EEF2: variants seen among roughly 807,000 people sequenced by gnomAD.
The protein encoded by EEF2 is eukaryotic translation elongation factor 2.
EEF2 carries 21 observed loss-of-function variants against 85.3 expected under a neutral mutation model. That is an observed-to-expected ratio of 0.25 (90% CI 0.17 to 0.35). The LOEUF is 0.35. Among genes scored for constraint, EEF2 ranks in the 10% least tolerant of loss-of-function variants. The probability of loss-of-function intolerance (pLI) is 1.00; values close to 1 mark genes in which losing one functional copy is unlikely to be tolerated. For synonymous variants in EEF2, 723 were observed against 508.8 expected, an observed-to-expected ratio of 1.42 and a Z score of -5.67; for missense variants, 825 against 1,225.3, an observed-to-expected ratio of 0.67 and a Z score of 4.88.
At position 3,977,622 on chromosome 19, in the gene EEF2, G is replaced by C; in HGVS notation, c.2068-12C>G. The C allele has an allele frequency of 6.6e-7, 1 of 1,504,510 alleles. No individual in the cohort carries two copies. The highest frequency in any genetic ancestry group is 8.8e-7 in the Non-Finnish European group (1 of 1,130,934). The allele number at this position is 1,504,510 out of a possible 1,614,324, so 93.2% of individuals were successfully genotyped here. A position where few individuals can be genotyped will look rare whatever the true frequency, so the allele number is the denominator to read the frequency against. On this transcript the variant is annotated splice_polypyrimidine_tract_variant and intron_variant, in intron 12 of 14. Transcript: ENST00000309311. This position sits in a 1 kb window ranked among gnomAD's most constrained non-coding sequence, Gnocchi z 5.4. ...TCACACAGTGCGCCCTGGGGGAGGGGGAGAGCCACCGTCAAGGGCCGGACA... is the reference window on the plus strand; with the variant it reads ...TCACACAGTGCGCCCTGGGGGAGGGCGAGAGCCACCGTCAAGGGCCGGACA...
chr19:3,982,712 C>T, intron 4 of EEF2, 95 bp downstream of exon 4: 1 of 1,391,514 alleles, frequency 7.2e-7, no homozygotes, highest in Non-Finnish European at 9.8e-7. Context: ...CTGGCAAAAA[C>T]ACACTTCCAG....
At position 3,976,525 on chromosome 19, in the gene EEF2, G is replaced by A. The variant is rs570475244; in HGVS notation, c.*29C>T. On this transcript the variant is annotated 3_prime_UTR_variant, in exon 15 of 15. Coordinates refer to ENST00000309311, the MANE Select transcript of EEF2 (RefSeq NM_001961.4). ...GGTGCTGTGGGTGCTGCGAGTCCCC[G>A]GGGCGGCAGGCGCTGCAGGAAGGGC... 4.0e-5 allele frequency: 64 copies of A among 1,580,462 alleles called. No homozygotes were observed. The Admixed American group carries it at 5.4e-4, about 13-fold the overall frequency.
rs978916562 is a variant in EEF2 at position 3,980,986 on chromosome 19, G to T, written c.1012-7C>A. 2 of 1,567,842 alleles carry T rather than the reference G, an allele frequency of 1.3e-6. No individual in the cohort carries two copies. Among genetic ancestry groups the T allele is most frequent in the African/African-American group, 2.7e-5 (2 of 74,056 alleles). Reference sequence around the variant, plus strand: ...GCCAGCGGCGCATCACAGCCTGCGGGGGCAGAGAGCGGTGCATGAGACACC... The same window carrying T: ...GCCAGCGGCGCATCACAGCCTGCGGTGGCAGAGAGCGGTGCATGAGACACC... On this transcript the variant is annotated splice_region_variant and splice_polypyrimidine_tract_variant and intron_variant, in intron 7 of 14. Coordinates refer to ENST00000309311, the MANE Select transcript of EEF2 (RefSeq NM_001961.4).
intron 11 of EEF2, among the ~76,000 whole-genome samples, chr19:3,978,442 C>T (rs2039703562): frequency 6.6e-6 from 1 of 152,180 alleles, no homozygotes; most frequent in African/African-American, 2.4e-5. Flanking sequence ...AGGTCTGGAG[C>T]AGGCCTGTCC....
At position 3,983,296 on chromosome 19, in the gene EEF2, T is replaced by C. The variant is rs2039778519; in HGVS notation, c.219-5A>G. On this transcript the variant is annotated splice_polypyrimidine_tract_variant and splice_region_variant and intron_variant, in intron 2 of 14. Coordinates refer to ENST00000309311, the MANE Select transcript of EEF2 (RefSeq NM_001961.4). Reference sequence around the variant, plus strand: ...TCGTAGAAGAGGGAGATGGCACTGATGGAGGGAGGGACTCGTCAGGGGGAC... The same window carrying C: ...TCGTAGAAGAGGGAGATGGCACTGACGGAGGGAGGGACTCGTCAGGGGGAC... 5 of 1,612,076 alleles carry C rather than the reference T, an allele frequency of 3.1e-6. No individual in the cohort carries two copies. Among genetic ancestry groups the C allele is most frequent in the Non-Finnish European group, 3.4e-6 (4 of 1,178,964 alleles).
Position 3,978,022 on chromosome 19 carries a change from C to A in EEF2, c.1864G>T (p.Val622Leu). ...TGCTTGAGCTCCTGACGGGCGGACA[C>A]CTCGCCTTTATCGATGTCCTCGGCC... ...GLAEDIDKGE[V>L]SARQELKQRA... Residue 622 changes from valine (V) to leucine (L), a missense_variant, in exon 12 of 15, where the codon GTG becomes TTG. Physicochemically the swap from Val to Leu is conservative, Grantham distance 32. Coordinates refer to ENST00000309311, the MANE Select transcript of EEF2 (RefSeq NM_001961.4). The A allele has an allele frequency of 6.2e-7, 1 of 1,608,666 alleles. No individual in the cohort carries two copies. The highest frequency in any genetic ancestry group is 8.5e-7 in the Non-Finnish European group (1 of 1,176,662).
intron 1 of EEF2, chr19:3,985,176 C>T (rs1274042301): frequency 2.0e-6 from 1 of 511,878 alleles, no homozygotes; most frequent in Non-Finnish European, 3.2e-6. Context: ...GTTATGGCGC[C>T]CTCGGAAACG....
At chr19:3,984,022 G>C in intron 2 of EEF2, 114 bp downstream of exon 2, 2 of 1,124,656 alleles carry the variant, frequency 1.8e-6, no homozygotes, top group Non-Finnish European at 2.6e-6. Context: ...CATGAATTAA[G>C]AAACCAGGGG....
chr19:3,979,234 T>C, intron 11 of EEF2, 95 bp downstream of exon 11: 2 of 941,026 alleles, frequency 2.1e-6, no homozygotes, highest in Non-Finnish European at 3.3e-6. Context: ...CGAGATCAAG[T>C]CTAGGCGTCT....
In EEF2 at chr19:3,977,172, C is replaced by T. The variant is rs1225609615; in HGVS notation, c.2383+43G>A. Reference sequence around the variant, plus strand: ...CTTAACTGGGCTTCTGTCCCCCAAACCAGCCTGCCAGGCTCTGCAGGCCAC... The same window carrying T: ...CTTAACTGGGCTTCTGTCCCCCAAATCAGCCTGCCAGGCTCTGCAGGCCAC... On this transcript the variant is annotated intron_variant, in intron 14 of 14. Transcript: ENST00000309311. This position sits in a 1 kb window ranked among gnomAD's most constrained non-coding sequence, Gnocchi z 5.4. 32 of 1,598,732 alleles carry T rather than the reference C, an allele frequency of 2.0e-5. No individual in the cohort carries two copies. The highest frequency in any genetic ancestry group is 2.6e-5 in the Non-Finnish European group (31 of 1,170,742).
At position 3,984,042 on chromosome 19, in the gene EEF2, T is replaced by C. The variant is rs2039789577; in HGVS notation, c.218+94A>G. The C allele has an allele frequency of 7.4e-6, 10 of 1,345,640 alleles. No individual in the cohort carries two copies. The Admixed American group carries it at 1.9e-4, about 25-fold the overall frequency. 83.4% of individuals were successfully genotyped at this position (1,345,640 alleles called of 1,614,324 possible). The stretch of plus-strand genomic sequence containing the variant: ...ATTAAGAAACCAGGGGAAAGAGACG[T>C]TGCCAAGTCTCTCCCCGCGCACCCT... On this transcript the variant is annotated intron_variant, in intron 2 of 14. Coordinates refer to ENST00000309311, the MANE Select transcript of EEF2 (RefSeq NM_001961.4).
chr19:3,977,404 C>T lies in EEF2; in HGVS notation c.2250+24G>A. 1 of 1,587,408 alleles carries T rather than the reference C, an allele frequency of 6.3e-7. No individual in the cohort carries two copies. Among genetic ancestry groups the T allele is most frequent in the South Asian group, 1.1e-5 (1 of 87,824 alleles). ...CCGCTGGGCAGGACGGTGGCAGGGT[C>T]AGCGGTGGGCGGGTAGACCTCACCT... On this transcript the variant is annotated intron_variant, in intron 13 of 14. Transcript: ENST00000309311. The surrounding 1 kb of genome is among the most constrained non-coding windows in gnomAD (Gnocchi z 5.4).
At chr19:3,979,240 C>T (rs1411383542) in intron 11 of EEF2, 89 bp downstream of exon 11, 22 of 992,412 alleles carry the variant, frequency 2.2e-5, no homozygotes, top group Non-Finnish European at 3.0e-5. Context: ...CAAGTCTAGG[C>T]GTCTGCAGAG....
chr19:3,978,831 A>AAAAAAAG (rs1568199563), intron 11 of EEF2, among the ~76,000 whole-genome samples: 1 of 131,886 alleles, frequency 7.6e-6, no homozygotes, highest in Non-Finnish European at 1.6e-5. Flanking sequence ...AAAAAAAAAA[A>AAAAAAAG]TAGCCCTGGG....
intron 6 of EEF2, 136 bp downstream of exon 6, chr19:3,981,808 TAGG>T: frequency 2.6e-6 from 2 of 775,190 alleles, no homozygotes; most frequent in Non-Finnish European, 2.1e-6. Flanking sequence ...CCACCTCAGT[TAGG>T]AGCTGTGCCT....
intron 7 of EEF2, 118 bp downstream of exon 7, chr19:3,981,221 A>G: frequency 8.8e-7 from 1 of 1,132,674 alleles, no homozygotes; most frequent in Non-Finnish European, 1.3e-6. Flanking sequence ...CTAAAGCGAA[A>G]GGGGCAGCAG....
chr19:3,976,827 T>C (rs2039685107), intron 14 of EEF2, 80 bp from the exon 15 acceptor site: 1 of 1,409,092 alleles, frequency 7.1e-7, no homozygotes, highest in Non-Finnish European at 9.3e-7. Flanking sequence ...GAGCTCAGGC[T>C]AGTTCCTCAG....
intron 2 of EEF2, 106 bp downstream of exon 2, chr19:3,984,030 G>A (rs1445961852): frequency 3.3e-6 from 4 of 1,205,186 alleles, no homozygotes; most frequent in South Asian, 2.7e-5. Context: ...AAGAAACCAG[G>A]GGAAAGAGAC....
At position 3,976,199 on chromosome 19, in the gene EEF2, C is replaced by G; in HGVS notation, c.*355G>C. 3.7e-6 allele frequency: 1 copy of G among 267,082 alleles called. No individual in the cohort carries two copies. The highest frequency in any genetic ancestry group is 7.2e-6 in the Non-Finnish European group (1 of 138,230). The allele number at this position is 267,082 out of a possible 1,614,324, so 16.5% of individuals were successfully genotyped here. On this transcript the variant is annotated 3_prime_UTR_variant, in exon 15 of 15. Coordinates refer to ENST00000309311, the MANE Select transcript of EEF2 (RefSeq NM_001961.4). ...TTTCTGGGGCAAAAGCCACTGCGGG[C>G]CATGTACCCAAATAAACCTCTTAAT...
Sources: allele counts gnomAD v4.1 joint callset (sites outside exome capture counted in the v4.1 genomes callset), GRCh38; gene constraint gnomAD v4.1.1; non-coding constraint Gnocchi (gnomAD v3.1); transcripts MANE v1.5; gene names NCBI Gene and HGNC (gene_info 2026-07-23, HGNC 2026-07-21).